Variants in ARMC9 observed in about 807,000 individuals in gnomAD.
The protein encoded by ARMC9 is lisH domain-containing protein ARMC9.
Under a neutral mutation model 107.0 loss-of-function variants are expected in ARMC9, and 94 were observed. The ratio of observed to expected loss-of-function variants is 0.88; its 90% CI spans 0.74 to 1.04. ARMC9 has a LOEUF of 1.04. Ranked by LOEUF, ARMC9 falls within the 50% of genes least tolerant of loss-of-function variation. ARMC9 has a pLI of 0.00. For synonymous variants in ARMC9, 380 were observed against 396.9 expected (o/e 0.96, Z 0.51); for missense variants, 942 against 1,030.1 (o/e 0.91, Z 1.17).
At position 231,371,729 on chromosome 2, in the gene ARMC9, G is replaced by A. The variant is rs2046028002; in HGVS notation, c.*194G>A. On this transcript the variant is annotated 3_prime_UTR_variant, in exon 25 of 25. Coordinates refer to ENST00000611582, the MANE Select transcript of ARMC9 (RefSeq NM_001352754.2). The stretch of plus-strand genomic sequence containing the variant: ...CCGCCAGCCGGGTCACTTTCTCCCA[G>A]GGCAGAGCCACCAAGGAGGGCTGGG... 2 of 482,882 alleles carry A rather than the reference G, an allele frequency of 4.1e-6. No homozygotes were observed. The highest frequency in any genetic ancestry group is 7.1e-5 in the East Asian group (2 of 28,344). 29.9% of individuals were successfully genotyped at this position (482,882 alleles called of 1,614,324 possible). A position where few individuals can be genotyped will look rare whatever the true frequency, so the allele number is the denominator to read the frequency against.
At chr2:231,282,028 C>A in intron 16 of ARMC9, 31 bp from the exon 17 acceptor site, 1 of 1,604,816 alleles carries the variant, frequency 6.2e-7, no homozygotes, top group Non-Finnish European at 8.5e-7. Context: ...TGAAAACTTG[C>A]AAATAACTGG....
intron 9 of ARMC9, among the ~76,000 whole-genome samples, chr2:231,246,960 T>C (rs80074641): frequency 1.3e-5 from 1 of 76,524 alleles, no homozygotes; most frequent in Non-Finnish European, 2.6e-5. Flanking sequence ...ACTTGGCTAA[T>C]TTTTTTTTTT....
chr2:231,216,206 A>G (rs1559299530), intron 4 of ARMC9, among the ~76,000 whole-genome samples: 2 of 152,238 alleles, frequency 1.3e-5, no homozygotes. Context: ...ATGCCTGTTA[A>G]TCTTTAGAAA....
At position 231,360,874 on chromosome 2, in the gene ARMC9, T is replaced by G; in HGVS notation, c.2252T>G (p.Val751Gly). The G allele has an allele frequency of 6.5e-7, 1 of 1,531,996 alleles. No individual in the cohort carries two copies. The highest frequency in any genetic ancestry group is 2.4e-5 in the East Asian group (1 of 40,876). 94.9% of individuals were successfully genotyped at this position (1,531,996 alleles called of 1,614,324 possible). A position where few individuals can be genotyped will look rare whatever the true frequency, so the allele number is the denominator to read the frequency against. Residue 751 changes from valine to glycine, a missense_variant, in exon 23 of 25, where the codon GTG (valine) becomes GGG (glycine). By Grantham distance (109) the Val-to-Gly change is moderately radical. Coordinates refer to ENST00000611582, the MANE Select transcript of ARMC9 (RefSeq NM_001352754.2). This position sits in a 1 kb window ranked among gnomAD's most constrained non-coding sequence, Gnocchi z 4.7. ...GCGCCCCAGGACCCAGGCAATGGAG[T>G]GACCACCAGGTAAGGGGGATATCAC... ...REAPQDPGNG[V>G]TTRECASAFT...
chr2:231,351,115 G>A (rs1485421679), intron 21 of ARMC9, among the ~76,000 whole-genome samples: 19 of 145,144 alleles, frequency 1.3e-4, no homozygotes, highest in Non-Finnish European at 4.5e-5. Context: ...CTACCACCAC[G>A]CCCGGCTATT....
intron 19 of ARMC9, among the ~76,000 whole-genome samples, chr2:231,314,391 T>G (rs1276019005): frequency 6.6e-6 from 1 of 152,210 alleles, no homozygotes; most frequent in Non-Finnish European, 1.5e-5. Flanking sequence ...TTCCTAATAG[T>G]GTCTTTTGAT....
intron 9 of ARMC9, among the ~76,000 whole-genome samples, chr2:231,249,133 C>T (rs1046864915): frequency 6.6e-6 from 1 of 152,202 alleles, no homozygotes; most frequent in Admixed American, 6.5e-5. Context: ...AACTTACTTT[C>T]TGCCCCTCAC....
chr2:231,360,517 C>T lies in ARMC9; in HGVS notation c.2132-237C>T, dbSNP rs1174243057. On this transcript the variant is annotated intron_variant, in intron 22 of 24. Transcript: ENST00000611582. The surrounding 1 kb of genome is among the most constrained non-coding windows in gnomAD (Gnocchi z 4.7). ...AGGAAGGCTGAGCGGCCAGGGTGATCTGAACCTCCCTGGGCTGTGCCTGTC... is the reference window on the plus strand; with the variant it reads ...AGGAAGGCTGAGCGGCCAGGGTGATTTGAACCTCCCTGGGCTGTGCCTGTC... Among the ~76,000 whole-genome samples the T allele has an allele frequency of 6.6e-6, 1 of 152,162 alleles. No homozygotes were observed. The highest frequency in any genetic ancestry group is 2.4e-5 in the African/African-American group (1 of 41,426).
At chr2:231,229,095 G>T (rs979309665) in intron 7 of ARMC9, among the ~76,000 whole-genome samples, 1 of 151,954 alleles carries the variant, frequency 6.6e-6, no homozygotes, top group Non-Finnish European at 1.5e-5. Flanking sequence ...TTTTCTGGAA[G>T]CCAAGCAGAA....
At chr2:231,299,029 C>T (rs1418858168) in intron 19 of ARMC9, among the ~76,000 whole-genome samples, 1 of 152,196 alleles carries the variant, frequency 6.6e-6, no homozygotes, top group Non-Finnish European at 1.5e-5. Flanking sequence ...GCGCTCACAA[C>T]TTCCACCACT....
Position 231,235,269 on chromosome 2 carries a change from G to C in ARMC9, c.668G>C (p.Arg223Thr). ...LHQQLVEAER[R>T]SVTYLKRYNK... ...CAGCAGCTGGTTGAAGCTGAACGTA[G>C]GTCAGTGACATACCTCAAACGGTAC... The change falls in exon 8 of 25, where the codon AGG (arginine) becomes ACG (threonine). Residue 223 changes from arginine to threonine, a missense_variant. Arg to Thr is a moderately conservative substitution (Grantham distance 71, BLOSUM62 -1). Transcript: ENST00000611582. 6.2e-7 allele frequency: 1 copy of C among 1,614,114 alleles called. No individual in the cohort carries two copies. Among genetic ancestry groups the C allele is most frequent in the Non-Finnish European group, 8.5e-7 (1 of 1,179,990 alleles).
chr2:231,354,340 G>GTCTCCTTA (rs1471134392), intron 21 of ARMC9, among the ~76,000 whole-genome samples: 2 of 142,090 alleles, frequency 1.4e-5, no homozygotes, highest in Non-Finnish European at 1.5e-5. Context: ...CTGGTTACAT[G>GTCTCCTTA]TCTCCTTATC....
intron 3 of ARMC9, among the ~76,000 whole-genome samples, chr2:231,212,565 G>A (rs2033016471): frequency 6.6e-6 from 1 of 152,202 alleles, no homozygotes; most frequent in Admixed American, 6.5e-5. Context: ...CTTGGTCACC[G>A]CACTTCTCAT....
intron 16 of ARMC9, among the ~76,000 whole-genome samples, chr2:231,280,417 C>G (rs1357608960): frequency 6.6e-6 from 1 of 151,822 alleles, no homozygotes; most frequent in African/African-American, 2.4e-5. Context: ...GAGATTGTGC[C>G]GTTGCACTCC....
At chr2:231,332,753 A>G (rs1456218770) in intron 20 of ARMC9, among the ~76,000 whole-genome samples, 1 of 152,140 alleles carries the variant, frequency 6.6e-6, no homozygotes, top group Non-Finnish European at 1.5e-5. Context: ...AGGGAGGAGC[A>G]ATTGCCAGGA....
chr2:231,229,725 T>A (rs2035025949), intron 7 of ARMC9, among the ~76,000 whole-genome samples: 1 of 152,158 alleles, frequency 6.6e-6, no homozygotes, highest in Admixed American at 6.5e-5. Context: ...AGCAAGGAGG[T>A]AATTTTTATC....
chr2:231,237,755 A>G (rs567009285), intron 8 of ARMC9, among the ~76,000 whole-genome samples: 123 of 22,052 alleles, frequency 5.6e-3, no homozygotes, highest in African/African-American at 0.011. Flanking sequence ...GGCTATATGT[A>G]TATATATATA....
intron 19 of ARMC9, among the ~76,000 whole-genome samples, chr2:231,322,977 T>G (rs1174972326): frequency 2.6e-5 from 4 of 152,188 alleles, no homozygotes; most frequent in Admixed American, 1.3e-4. Flanking sequence ...GGTGCCCTTG[T>G]CGCCCAGTGC....
intron 2 of ARMC9, among the ~76,000 whole-genome samples, chr2:231,207,327 T>C (rs1211247010): frequency 6.6e-6 from 1 of 152,112 alleles, no homozygotes; most frequent in African/African-American, 2.4e-5. Context: ...CATTTTCTTT[T>C]AAAAATTTAT....
Sources: allele counts gnomAD v4.1 joint callset (sites outside exome capture counted in the v4.1 genomes callset), GRCh38; gene constraint gnomAD v4.1.1; non-coding constraint Gnocchi (gnomAD v3.1); transcripts MANE v1.5; gene names NCBI Gene and HGNC (gene_info 2026-07-23, HGNC 2026-07-21).